Variants in TBC1D32 observed in about 807,000 individuals in gnomAD.
TBC1D32 encodes the protein TBC1 domain family member 32, also known as protein broad-minded.
Under a neutral mutation model 170.3 loss-of-function variants are expected in TBC1D32, and 151 were observed. That is an observed-to-expected ratio of 0.89 (90% CI 0.78 to 1.01). The LOEUF is 1.01. Ranked by LOEUF, TBC1D32 falls within the 50% of genes least tolerant of loss-of-function variation. The probability of loss-of-function intolerance (pLI) is 0.00; values close to 1 mark genes in which losing one functional copy is unlikely to be tolerated. For missense variants in TBC1D32, 1,464 were observed against 1,457.1 expected (o/e 1.00, Z -0.08); for synonymous variants, 498 against 488.0 (o/e 1.02, Z -0.27).
At chr6:121,134,263 C>T (rs1175732202) in intron 24 of TBC1D32, among the ~76,000 whole-genome samples, 1 of 152,116 alleles carries the variant, frequency 6.6e-6, no homozygotes, top group Non-Finnish European at 1.5e-5. Context: ...TTACTACCTC[C>T]TTCAGAGGAC....
intron 15 of TBC1D32, among the ~76,000 whole-genome samples, chr6:121,262,311 C>T (rs1799866022): frequency 6.6e-6 from 1 of 151,998 alleles, no homozygotes; most frequent in Admixed American, 6.6e-5. Flanking sequence ...AGATCAACCA[C>T]AAGACACATA....
chr6:121,306,983 TTCA>T (rs1459334944), intron 5 of TBC1D32, among the ~76,000 whole-genome samples: 1 of 152,206 alleles, frequency 6.6e-6, no homozygotes, highest in Non-Finnish European at 1.5e-5. Flanking sequence ...TAAACCATAA[TTCA>T]TCATTTTTCA....
chr6:121,103,698 C>T (rs941246464), intron 30 of TBC1D32, among the ~76,000 whole-genome samples: 4 of 151,760 alleles, frequency 2.6e-5, no homozygotes, highest in African/African-American at 9.7e-5. Flanking sequence ...CAAACCTGCA[C>T]GTTGTGCACA....
intron 30 of TBC1D32, among the ~76,000 whole-genome samples, chr6:121,099,418 A>G (rs1018033474): frequency 6.6e-6 from 1 of 151,958 alleles, no homozygotes; most frequent in African/African-American, 2.4e-5. Flanking sequence ...GAAACTATAC[A>G]ACAAATATGC....
At chr6:121,135,313 A>G (rs1323384107) in intron 24 of TBC1D32, among the ~76,000 whole-genome samples, 3 of 152,182 alleles carry the variant, frequency 2.0e-5, no homozygotes, top group Non-Finnish European at 4.4e-5. Context: ...TTCTATATTT[A>G]TAATCAGGAA....
At chr6:121,209,153 A>C (rs370321318) in intron 21 of TBC1D32, among the ~76,000 whole-genome samples, 2 of 140,338 alleles carry the variant, frequency 1.4e-5, no homozygotes, top group Non-Finnish European at 3.2e-5. Flanking sequence ...AAAAAAAAAA[A>C]ACTCACTTCA....
At chr6:121,248,222 T>C (rs1024988044) in intron 17 of TBC1D32, among the ~76,000 whole-genome samples, 1 of 152,034 alleles carries the variant, frequency 6.6e-6, no homozygotes, top group Non-Finnish European at 1.5e-5. Context: ...GAATGATTTA[T>C]AGTTTAACAA....
intron 21 of TBC1D32, among the ~76,000 whole-genome samples, chr6:121,211,002 C>T (rs1792969644): frequency 6.6e-6 from 1 of 151,956 alleles, no homozygotes; most frequent in African/African-American, 2.4e-5. Context: ...AAAATATAGA[C>T]ACACTGGCAA....
rs76550475 is a variant in TBC1D32 at position 121,332,908 on chromosome 6, G to C, written c.155+1368C>G. ...AATACAAAAGAAAAAGAAACCGTAA[G>C]TATAATCGTAAATACCAAAGAAATT... On this transcript the variant is annotated intron_variant, in intron 1 of 31. Transcript: ENST00000398212. 7.4e-3 allele frequency among the ~76,000 whole-genome samples: 1,127 copies of C among 152,180 alleles called. 32 individuals carry two copies. The highest frequency in any genetic ancestry group is 0.056 in the East Asian group (288 of 5,184).
chr6:121,289,533 T>A (rs1388754795), intron 12 of TBC1D32, among the ~76,000 whole-genome samples: 1 of 152,196 alleles, frequency 6.6e-6, no homozygotes, highest in African/African-American at 2.4e-5. Context: ...TCCATGCTCA[T>A]GGGTAGGAAG....
intron 9 of TBC1D32, among the ~76,000 whole-genome samples, chr6:121,300,618 C>T (rs976191896): frequency 6.6e-6 from 1 of 152,120 alleles, no homozygotes; most frequent in African/African-American, 2.4e-5. Context: ...CCATTCAGGA[C>T]ATAGGCATGG....
intron 25 of TBC1D32, among the ~76,000 whole-genome samples, chr6:121,129,381 A>C (rs1781185812): frequency 6.6e-6 from 1 of 152,308 alleles, no homozygotes; most frequent in South Asian, 2.1e-4. Flanking sequence ...TATGATATTC[A>C]GTAGGTTAGG....
intron 24 of TBC1D32, among the ~76,000 whole-genome samples, chr6:121,149,479 G>A (rs1234092563): frequency 6.6e-6 from 1 of 151,928 alleles, no homozygotes; most frequent in African/African-American, 2.4e-5. Context: ...GGCATATGGG[G>A]TCCAGTTTTC....
chr6:121,135,727 T>G (rs757129139), intron 24 of TBC1D32, among the ~76,000 whole-genome samples: 7 of 152,162 alleles, frequency 4.6e-5, no homozygotes, highest in Non-Finnish European at 8.8e-5. Context: ...GGTTATAAAC[T>G]GAATAATTCC....
intron 1 of TBC1D32, among the ~76,000 whole-genome samples, chr6:121,330,431 C>G (rs1811060659): frequency 6.6e-6 from 1 of 152,156 alleles, no homozygotes; most frequent in Admixed American, 6.5e-5. Context: ...GAATAACACT[C>G]AATTCAATAA....
At chr6:121,334,505 A>ACGCGCCC (rs1554194525), upstream of TBC1D32, 1 of 1,481,652 alleles carries the variant, frequency 6.7e-7, no homozygotes, top group East Asian at 2.6e-5. Context: ...GCGCACGCGC[A>ACGCGCCC]CCCCCACCCA....
chr6:121,137,669 T>C (rs1017499447), intron 24 of TBC1D32, among the ~76,000 whole-genome samples: 1 of 151,858 alleles, frequency 6.6e-6, no homozygotes, highest in Non-Finnish European at 1.5e-5. Context: ...TATATAATTA[T>C]TTTCTCAGGT....
chr6:121,211,430 T>C (rs74961458), intron 21 of TBC1D32, among the ~76,000 whole-genome samples: 4,172 of 152,254 alleles, frequency 0.027, 156 homozygotes, highest in African/African-American at 0.088. Flanking sequence ...CAGTGTACAC[T>C]GTACACAGTG....
intron 31 of TBC1D32, among the ~76,000 whole-genome samples, chr6:121,085,490 G>T (rs1167514462): frequency 3.3e-5 from 5 of 151,288 alleles, no homozygotes; most frequent in African/African-American, 4.8e-5. Flanking sequence ...ACTCCTGGAT[G>T]CAGTCCCTTA....
Sources: gnomAD v4.1 joint callset for allele counts (sites outside exome capture counted in the v4.1 genomes callset) on GRCh38, gnomAD v4.1.1 for gene constraint, MANE v1.5 for transcripts, NCBI Gene and HGNC (gene_info 2026-07-23, HGNC 2026-07-21) for gene names.